Variants in STAG1 observed in about 807,000 individuals in gnomAD.
STAG1 encodes STAG1 cohesin complex component.
In STAG1, 26 loss-of-function variants were observed where a neutral mutation model predicts 170.9. The observed-to-expected ratio is 0.15, with a 90% CI of 0.11 to 0.21. The LOEUF is 0.21. STAG1 is among the 10% of genes least tolerant of loss of function. The pLI, the probability that STAG1 is intolerant of heterozygous loss-of-function variation, is 1.00. For missense variants in STAG1, 964 were observed against 1,509.5 expected, an observed-to-expected ratio of 0.64 and a Z score of 5.99; for synonymous variants, 514 against 497.7, an observed-to-expected ratio of 1.03 and a Z score of -0.44.
At chr3:136,605,835 C>A (rs1938904326) in intron 3 of STAG1, among the ~76,000 whole-genome samples, 1 of 152,140 alleles carries the variant, frequency 6.6e-6, no homozygotes, top group Admixed American at 6.5e-5. Context: ...AAGGAAGGTA[C>A]TAGAGGAACA....
chr3:136,714,998 T>TAAAATATAAGTAAATAAA (rs1943497205), intron 1 of STAG1, among the ~76,000 whole-genome samples: 1 of 111,462 alleles, frequency 9.0e-6, no homozygotes, highest in African/African-American at 2.9e-5. Context: ...ATATTTTATA[T>TAAAATATAAGTAAATAAA]ATATAATATA....
chr3:136,454,612 T>G (rs879660096), intron 13 of STAG1, among the ~76,000 whole-genome samples: 39 of 152,248 alleles, frequency 2.6e-4, no homozygotes, highest in Non-Finnish European at 5.0e-4. Flanking sequence ...ACTCCTGACC[T>G]CAAGTCGTCC....
intron 12 of STAG1, among the ~76,000 whole-genome samples, chr3:136,470,141 C>T (rs1207763755): frequency 9.9e-5 from 15 of 152,010 alleles, no homozygotes; most frequent in Non-Finnish European, 8.8e-5. Context: ...AAATGGGATC[C>T]AATTAACCTA....
intron 1 of STAG1, among the ~76,000 whole-genome samples, chr3:136,652,023 T>C (rs559150380): frequency 3.9e-4 from 60 of 152,238 alleles, no homozygotes; most frequent in Non-Finnish European, 5.9e-4. Context: ...CAGCAGAAAG[T>C]AGAAAGATCA....
At chr3:136,699,444 G>A (rs1260175719) in intron 1 of STAG1, among the ~76,000 whole-genome samples, 2 of 152,168 alleles carry the variant, frequency 1.3e-5, no homozygotes, top group Non-Finnish European at 1.5e-5. Context: ...AGGCTGGAAT[G>A]CAATGGCATA....
At chr3:136,647,484 G>A (rs1158189461) in intron 1 of STAG1, among the ~76,000 whole-genome samples, 3 of 152,036 alleles carry the variant, frequency 2.0e-5, no homozygotes, top group Non-Finnish European at 2.9e-5. Context: ...CAGGAGACTC[G>A]CTTGAACCCG....
In STAG1 at chr3:136,623,232, T is replaced by A. The variant is rs757683401; in HGVS notation, c.46A>T (p.Thr16Ser). The change falls in exon 3 of 34, where the codon ACT becomes TCT. Residue 16 changes from threonine to serine, a missense_variant. By Grantham distance (58) the Thr-to-Ser change is moderately conservative. Transcript: ENST00000383202. ...LPVLQDSTNE[T>S]TAHSDAGSEL... is the part of the protein sequence containing the mutation. ...CTGCCAGCATCGGAATGGGCAGTAG[T>A]TTCATTAGTTGAATCCCTAGAAAAT... is the stretch of plus-strand genomic sequence containing the variant. 3.7e-6 allele frequency: 6 copies of A among 1,613,020 alleles called. No homozygotes were observed. The highest frequency in any genetic ancestry group is 3.4e-6 in the Non-Finnish European group (4 of 1,179,410).
intron 1 of STAG1, among the ~76,000 whole-genome samples, chr3:136,696,027 C>G (rs955429448): frequency 1.3e-5 from 2 of 152,168 alleles, no homozygotes; most frequent in African/African-American, 4.8e-5. Flanking sequence ...TCAGGACATA[C>G]ACACAGAGCA....
chr3:136,545,396 G>C (rs964406198), intron 5 of STAG1, among the ~76,000 whole-genome samples: 5 of 152,046 alleles, frequency 3.3e-5, no homozygotes, highest in Non-Finnish European at 7.3e-5. Context: ...ATATAACCTA[G>C]CCTGATAAAC....
intron 22 of STAG1, among the ~76,000 whole-genome samples, chr3:136,389,934 C>T (rs1397857958): frequency 6.6e-6 from 1 of 151,538 alleles, no homozygotes; most frequent in Non-Finnish European, 1.5e-5. Context: ...CGGGTTCCAG[C>T]GATTCTTCTG....
intron 3 of STAG1, among the ~76,000 whole-genome samples, chr3:136,619,268 A>G (rs1003257949): frequency 6.7e-6 from 1 of 150,362 alleles, no homozygotes; most frequent in African/African-American, 2.5e-5. Flanking sequence ...CTCATTAAAC[A>G]TTTACTGAAC....
At chr3:136,680,237 G>C (rs1445249522) in intron 1 of STAG1, among the ~76,000 whole-genome samples, 1 of 152,086 alleles carries the variant, frequency 6.6e-6, no homozygotes, top group Non-Finnish European at 1.5e-5. Context: ...CTCCAACCTG[G>C]GCATCAGAGC....
chr3:136,390,506 C>CACAT (rs1318751024), intron 22 of STAG1, among the ~76,000 whole-genome samples: 1 of 152,052 alleles, frequency 6.6e-6, no homozygotes, highest in Non-Finnish European at 1.5e-5. Context: ...TTAACAGGAA[C>CACAT]ACATGTATTA....
At chr3:136,455,712 C>T (rs112942913) in intron 13 of STAG1, among the ~76,000 whole-genome samples, 314 of 152,284 alleles carry the variant, frequency 2.1e-3, no homozygotes, top group African/African-American at 7.2e-3. Context: ...ACAATCCAAG[C>T]GAAGGATCAA....
At chr3:136,600,557 A>G (rs1938616180) in intron 4 of STAG1, among the ~76,000 whole-genome samples, 1 of 152,150 alleles carries the variant, frequency 6.6e-6, no homozygotes, top group Non-Finnish European at 1.5e-5. Flanking sequence ...TTTGAGACGG[A>G]GTCTCGCTCT....
chr3:136,377,609 T>G (rs377569987), intron 23 of STAG1, 51 bp downstream of exon 23: 2 of 1,441,274 alleles, frequency 1.4e-6, no homozygotes, highest in African/African-American at 2.8e-5. Context: ...TTAATGTTCA[T>G]TAATGTATTT....
At chr3:136,670,621 C>T (rs556457909) in intron 1 of STAG1, among the ~76,000 whole-genome samples, 2 of 151,954 alleles carry the variant, frequency 1.3e-5, no homozygotes, top group Non-Finnish European at 2.9e-5. Flanking sequence ...GGATTACAGG[C>T]AGCATTCCCA....
At chr3:136,622,795 G>A (rs1253550923) in intron 3 of STAG1, among the ~76,000 whole-genome samples, 1 of 152,120 alleles carries the variant, frequency 6.6e-6, no homozygotes, top group African/African-American at 2.4e-5. Context: ...CTCTGAGACT[G>A]GCCCCAAACT....
chr3:136,341,577 T>A (rs1490142059), intron 30 of STAG1, 26 bp from the exon 31 acceptor site: 1 of 1,482,036 alleles, frequency 6.7e-7, no homozygotes, highest in Non-Finnish European at 9.4e-7. Flanking sequence ...ATTATTAATT[T>A]TGTAGCAGCA....
Sources: allele counts gnomAD v4.1 joint callset (sites outside exome capture counted in the v4.1 genomes callset), GRCh38; gene constraint gnomAD v4.1.1; transcripts MANE v1.5; gene names NCBI Gene and HGNC (gene_info 2026-07-23, HGNC 2026-07-21).